TOX: variants seen among roughly 807,000 people sequenced by gnomAD.
TOX encodes thymocyte selection associated high mobility group box, also known as thymocyte selection-associated high mobility group box protein TOX.
A neutral mutation model predicts 53.7 loss-of-function variants in TOX; 11 were observed. The ratio of observed to expected loss-of-function variants is 0.20; its 90% confidence interval spans 0.13 to 0.34. TOX has a LOEUF of 0.34. Ranked by LOEUF, TOX falls within the 10% of genes least tolerant of loss-of-function variation. The pLI is 1.00. For missense variants in TOX, 570 were observed against 664.6 expected, an observed-to-expected ratio of 0.86 and a Z score of 1.56; for synonymous variants, 225 against 245.3, an observed-to-expected ratio of 0.92 and a Z score of 0.77.
chr8:58,973,884 G>C (rs1813046791), intron 1 of TOX, among the ~76,000 whole-genome samples: 1 of 151,744 alleles, frequency 6.6e-6, no homozygotes, highest in South Asian at 2.1e-4. Flanking sequence ...TGCAACCTCT[G>C]CCTCCCAGGT....
chr8:59,061,277 A>G (rs1216359777), intron 1 of TOX, among the ~76,000 whole-genome samples: 1 of 152,224 alleles, frequency 6.6e-6, no homozygotes, highest in African/African-American at 2.4e-5. Flanking sequence ...TTCAGCTTCT[A>G]AATAATCAAT....
chr8:58,910,008 T>C (rs1010414574), intron 3 of TOX, among the ~76,000 whole-genome samples: 23 of 152,144 alleles, frequency 1.5e-4, no homozygotes, highest in African/African-American at 5.3e-4. Flanking sequence ...AGGGAGCAGA[T>C]CATGTTTCTA....
chr8:58,856,504 C>G (rs920073251), intron 3 of TOX, among the ~76,000 whole-genome samples: 8 of 152,160 alleles, frequency 5.3e-5, no homozygotes, highest in African/African-American at 1.9e-4. Context: ...TTCCTGGGAA[C>G]TTCTTAGTCA....
At chr8:58,876,228 C>T (rs943075198) in intron 3 of TOX, among the ~76,000 whole-genome samples, 11 of 151,840 alleles carry the variant, frequency 7.2e-5, no homozygotes, top group South Asian at 4.2e-4. Flanking sequence ...AATGGAAATA[C>T]AGATATTTGC....
intron 1 of TOX, among the ~76,000 whole-genome samples, chr8:58,978,154 G>T (rs576907165): frequency 1.3e-5 from 2 of 152,180 alleles, no homozygotes; most frequent in Non-Finnish European, 2.9e-5. Context: ...GGGTAGGCAT[G>T]GGGGAGGAGT....
intron 1 of TOX, among the ~76,000 whole-genome samples, chr8:59,038,018 A>T (rs988862283): frequency 6.6e-6 from 1 of 152,152 alleles, no homozygotes; most frequent in African/African-American, 2.4e-5. Context: ...TAGTGTCTCT[A>T]TGACTTTTGA....
At chr8:59,103,805 T>C (rs1804849940) in intron 1 of TOX, among the ~76,000 whole-genome samples, 1 of 152,200 alleles carries the variant, frequency 6.6e-6, no homozygotes, top group Non-Finnish European at 1.5e-5. Flanking sequence ...AGCAAGCTAT[T>C]TCAGGAAAGC....
At chr8:58,928,717 A>T (rs1238137047) in intron 3 of TOX, among the ~76,000 whole-genome samples, 3 of 152,160 alleles carry the variant, frequency 2.0e-5, no homozygotes, top group African/African-American at 7.2e-5. Flanking sequence ...TTAATAATAC[A>T]GCGTTTTTAG....
At chr8:58,809,727 C>T (rs769978029) in intron 7 of TOX, among the ~76,000 whole-genome samples, 6 of 152,180 alleles carry the variant, frequency 3.9e-5, no homozygotes, top group African/African-American at 1.2e-4. Flanking sequence ...GTGTCTAGTT[C>T]GATGCTGGGC....
At chr8:58,933,304 A>AC (rs1463645829) in intron 3 of TOX, among the ~76,000 whole-genome samples, 5 of 152,218 alleles carry the variant, frequency 3.3e-5, no homozygotes, top group Admixed American at 2.6e-4. Flanking sequence ...CGGTGAATAT[A>AC]CCAAAGTGGG....
chr8:59,085,979 C>CTTTT (rs35593177), intron 1 of TOX, among the ~76,000 whole-genome samples: 35 of 88,820 alleles, frequency 3.9e-4, no homozygotes, highest in South Asian at 7.7e-4. Flanking sequence ...CTTTTCTTTT[C>CTTTT]TTTTTTTTTT....
chr8:58,970,298 G>C (rs986811907), intron 1 of TOX, among the ~76,000 whole-genome samples: 2 of 152,064 alleles, frequency 1.3e-5, no homozygotes, highest in Non-Finnish European at 2.9e-5. Context: ...TCCTTGCTTA[G>C]TGATTTTCAT....
At chr8:59,005,065 C>T (rs1300736815) in intron 1 of TOX, among the ~76,000 whole-genome samples, 3 of 148,266 alleles carry the variant, frequency 2.0e-5, no homozygotes, top group Non-Finnish European at 4.4e-5. Flanking sequence ...TTGAGACAGA[C>T]TCTCGCTCTG....
At chr8:58,841,917 T>C (rs1310396629) in intron 4 of TOX, among the ~76,000 whole-genome samples, 1 of 152,240 alleles carries the variant, frequency 6.6e-6, no homozygotes, top group Non-Finnish European at 1.5e-5. Flanking sequence ...AGACTCATTT[T>C]AAATTTTAAT....
intron 1 of TOX, among the ~76,000 whole-genome samples, chr8:58,963,306 GATATATAT>G (rs74274681): frequency 0.039 from 5,124 of 131,668 alleles, 92 homozygotes; most frequent in Middle Eastern, 0.061. Flanking sequence ...TAGATAGATA[GATATATAT>G]ATAGATAGAT....
At chr8:58,951,592 C>T (rs1812623013) in intron 2 of TOX, among the ~76,000 whole-genome samples, 1 of 152,162 alleles carries the variant, frequency 6.6e-6, no homozygotes, top group Non-Finnish European at 1.5e-5. Context: ...CCCATTTCCT[C>T]CAAGGTTACT....
intron 1 of TOX, among the ~76,000 whole-genome samples, chr8:59,053,045 T>C (rs1430535891): frequency 6.6e-6 from 1 of 152,166 alleles, no homozygotes; most frequent in Non-Finnish European, 1.5e-5. Flanking sequence ...TAATGATAAT[T>C]ATTATTTTCT....
At chr8:58,995,322 T>C (rs987019901) in intron 1 of TOX, among the ~76,000 whole-genome samples, 3 of 152,236 alleles carry the variant, frequency 2.0e-5, no homozygotes, top group African/African-American at 4.8e-5. Flanking sequence ...ATGAAACTTC[T>C]ATTTCAGTTT....
intron 1 of TOX, among the ~76,000 whole-genome samples, chr8:59,100,230 C>T (rs887187226): frequency 5.3e-5 from 8 of 152,120 alleles, no homozygotes; most frequent in Non-Finnish European, 1.2e-4. Context: ...TGACAAAGAT[C>T]ACAAGTAAAT....
Sources: allele counts gnomAD v4.1 joint callset (sites outside exome capture counted in the v4.1 genomes callset), GRCh38; gene constraint gnomAD v4.1.1; transcripts MANE v1.5; gene names NCBI Gene and HGNC (gene_info 2026-07-23, HGNC 2026-07-21).